The following PSMB2 variants were observed in gnomAD, a reference collection of about 807,000 sequenced individuals.
PSMB2 encodes the protein proteasome subunit beta type-2.
A neutral mutation model predicts 25.7 loss-of-function variants in PSMB2; 13 were observed. The observed-to-expected ratio is 0.51, with a 90% confidence interval of 0.33 to 0.80. The LOEUF is 0.80. Among genes scored for constraint, PSMB2 ranks in the 30% least tolerant of loss-of-function variants. The probability of loss-of-function intolerance (pLI) is 0.02; values close to 1 mark genes in which losing one functional copy is unlikely to be tolerated. For synonymous variants in PSMB2, 87 were observed against 96.2 expected, an observed-to-expected ratio of 0.90 and a Z score of 0.56; for missense variants, 202 against 259.0, an observed-to-expected ratio of 0.78 and a Z score of 1.51.
intron 2 of PSMB2, among the ~76,000 whole-genome samples, chr1:35,633,819 A>G (rs1315303249): frequency 6.6e-6 from 1 of 152,262 alleles, no homozygotes; most frequent in Non-Finnish European, 1.5e-5. Context: ...GAGGCCCTCA[A>G]AAGTATTTAT....
chr1:35,615,396 T>G (rs143496599), intron 3 of PSMB2, among the ~76,000 whole-genome samples: 1 of 152,246 alleles, frequency 6.6e-6, no homozygotes. Context: ...ACAGGCAAAC[T>G]TTACTTAAGT....
At chr1:35,608,001 A>C (rs1650218894) in intron 4 of PSMB2, among the ~76,000 whole-genome samples, 1 of 152,244 alleles carries the variant, frequency 6.6e-6, no homozygotes, top group East Asian at 1.9e-4. Flanking sequence ...ATCTCATAGA[A>C]GTAAAAAGTA....
intron 1 of PSMB2, among the ~76,000 whole-genome samples, chr1:35,641,111 A>C (rs569169119): frequency 2.2e-4 from 34 of 151,958 alleles, no homozygotes; most frequent in African/African-American, 7.5e-4. Flanking sequence ...AATCGCTTGA[A>C]CCCGGGAGAC....
rs1428226543 is a variant in PSMB2, at chr1:35,641,497, C to A, written c.-65G>T. The A allele has an allele frequency of 1.2e-6, 2 of 1,607,638 alleles. No individual in the cohort carries two copies. Among genetic ancestry groups the A allele is most frequent in the Middle Eastern group, 1.6e-4 (1 of 6,064 alleles). On this transcript the variant is annotated 5_prime_UTR_variant, in exon 1 of 6. Transcript: ENST00000373237. ...GAGACTCGCCCGCTTCCAGGTCTCA[C>A]CGGTGAGACAGCACCTCAGAGCGAA...
At position 35,635,199 on chromosome 1, in the gene PSMB2, C is replaced by T. The variant is rs377135235; in HGVS notation, c.214+1111G>A. Among the ~76,000 whole-genome samples, 6 of 150,506 alleles carry T rather than the reference C, an allele frequency of 4.0e-5. No homozygotes were observed. In the East Asian group the frequency reaches 9.8e-4, roughly 25 times the overall value. On this transcript the variant is annotated intron_variant, in intron 2 of 5. Coordinates refer to ENST00000373237, the MANE Select transcript of PSMB2 (RefSeq NM_002794.5). The stretch of plus-strand genomic sequence containing the variant: ...GCTTGAACCTGGAAGGCAGAGGTTG[C>T]GGTGAGCCGAGATTGTGCCACTGCA...
chr1:35,627,648 C>CA (rs917073767), intron 3 of PSMB2, among the ~76,000 whole-genome samples: 12 of 149,914 alleles, frequency 8.0e-5, no homozygotes, highest in Admixed American at 6.6e-5. Flanking sequence ...GATCCTGTCT[C>CA]AAAAAAAAAG....
chr1:35,599,543 T>G lies in PSMB2; in HGVS notation c.*3724A>C. 5.1e-6 allele frequency: 5 copies of G among 982,092 alleles called. No homozygotes were observed. Among genetic ancestry groups the G allele is most frequent in the Non-Finnish European group, 6.0e-6 (5 of 826,872 alleles). 60.8% of individuals were successfully genotyped at this position (982,092 alleles called of 1,614,324 possible). ...AGTGAATGACGAGGCCATGTAAATT[T>G]AGTTGGAACACAGGCTTTATGAGGT... On this transcript the variant is annotated 3_prime_UTR_variant, in exon 6 of 6. Coordinates refer to ENST00000373237, the MANE Select transcript of PSMB2 (RefSeq NM_002794.5).
intron 3 of PSMB2, among the ~76,000 whole-genome samples, chr1:35,620,789 C>T (rs1370229118): frequency 4.0e-5 from 6 of 151,604 alleles, no homozygotes; most frequent in African/African-American, 1.2e-4. Context: ...CTTGGCCTCC[C>T]GAGTACCTAG....
intron 3 of PSMB2, among the ~76,000 whole-genome samples, chr1:35,620,179 G>A (rs1174318913): frequency 6.6e-6 from 1 of 152,072 alleles, no homozygotes; most frequent in African/African-American, 2.4e-5. Context: ...TAAATAAGAT[G>A]GTCTTCTAGA....
At chr1:35,638,792 G>A (rs574678575) in intron 1 of PSMB2, among the ~76,000 whole-genome samples, 2 of 152,246 alleles carry the variant, frequency 1.3e-5, no homozygotes, top group East Asian at 1.9e-4. Flanking sequence ...CTCAGCAAAT[G>A]TCTACTCTAT....
intron 1 of PSMB2, among the ~76,000 whole-genome samples, 165 bp downstream of exon 1, chr1:35,641,177 C>T (rs984078173): frequency 6.6e-6 from 1 of 152,114 alleles, no homozygotes; most frequent in East Asian, 1.9e-4. Context: ...ACAACAAGAG[C>T]GAAACCCCTC....
Position 35,609,232 on chromosome 1 carries a change from G to A in PSMB2, c.448+14C>T, listed in dbSNP as rs200710756. The A allele has an allele frequency of 7.0e-6, 11 of 1,577,408 alleles. No individual in the cohort carries two copies. Among genetic ancestry groups the A allele is most frequent in the Non-Finnish European group, 7.8e-6 (9 of 1,159,818 alleles). ...GCTCTGCCACTGCTCCCTCCCTAGAGTATTAATACTTACTCGGTGTGTAGT... is the reference window on the plus strand; with the variant it reads ...GCTCTGCCACTGCTCCCTCCCTAGAATATTAATACTTACTCGGTGTGTAGT... On this transcript the variant is annotated intron_variant, in intron 4 of 5. Transcript: ENST00000373237.
intron 2 of PSMB2, among the ~76,000 whole-genome samples, chr1:35,635,000 CTGT>C (rs1383547676): frequency 6.6e-6 from 1 of 152,076 alleles, no homozygotes; most frequent in Non-Finnish European, 1.5e-5. Context: ...TGGCTCACAC[CTGT>C]AATCCCAGAA....
At chr1:35,635,618 C>T (rs903001638) in intron 2 of PSMB2, among the ~76,000 whole-genome samples, 20 of 152,026 alleles carry the variant, frequency 1.3e-4, no homozygotes, top group Non-Finnish European at 2.4e-4. Context: ...ATCACAAGGT[C>T]AAGAGATGGA....
chr1:35,601,753 G>A lies in PSMB2; in HGVS notation c.*1514C>T. The A allele has an allele frequency of 2.0e-6, 2 of 985,378 alleles. No homozygotes were observed. Among genetic ancestry groups the A allele is most frequent in the Non-Finnish European group, 2.4e-6 (2 of 829,888 alleles). The allele number at this position is 985,378 out of a possible 1,614,324, so 61.0% of individuals were successfully genotyped here. On this transcript the variant is annotated 3_prime_UTR_variant, in exon 6 of 6. Transcript: ENST00000373237. ...GTCGGAGACCAAATGGTTTTGATAT[G>A]TGGTTCCTAGACCAGCAGCATCAGT...
At chr1:35,636,251 T>C (rs1056485563) in intron 2 of PSMB2, 59 bp downstream of exon 2, 396 of 1,600,660 alleles carry the variant, frequency 2.5e-4, no homozygotes, top group Non-Finnish European at 3.2e-4. Flanking sequence ...AGTCTGTGAC[T>C]TTAGTAATGG....
At chr1:35,607,980 TA>T (rs1418784207) in intron 4 of PSMB2, among the ~76,000 whole-genome samples, 1 of 152,114 alleles carries the variant, frequency 6.6e-6, no homozygotes, top group Non-Finnish European at 1.5e-5. Context: ...ATGTAGAAGC[TA>T]AAAAAGCTGA....
At chr1:35,636,539 A>G in intron 1 of PSMB2, 107 bp from the exon 2 acceptor site, 1 of 1,276,246 alleles carries the variant, frequency 7.8e-7, no homozygotes. Flanking sequence ...GGCCTTCCAT[A>G]TACATGGATT....
chr1:35,628,599 ATAT>A (rs1319555297), intron 3 of PSMB2, among the ~76,000 whole-genome samples: 8 of 23,604 alleles, frequency 3.4e-4, no homozygotes, highest in Non-Finnish European at 4.7e-4. Flanking sequence ...AAAAAAAAAT[ATAT>A]ATATATATAT....
Sources: allele counts gnomAD v4.1 joint callset (sites outside exome capture counted in the v4.1 genomes callset), GRCh38; gene constraint gnomAD v4.1.1; transcripts MANE v1.5; gene names NCBI Gene and HGNC (gene_info 2026-07-23, HGNC 2026-07-21).